MAP3K5: variants seen among roughly 807,000 people sequenced by gnomAD.
MAP3K5 encodes the protein mitogen-activated protein kinase kinase kinase 5.
In MAP3K5, 56 loss-of-function variants were observed where a neutral mutation model predicts 158.7. That is an observed-to-expected ratio of 0.35 (90% CI 0.28 to 0.44). MAP3K5 has a LOEUF of 0.44. Among genes scored for constraint, MAP3K5 ranks in the 20% least tolerant of loss-of-function variants. MAP3K5 has a pLI of 1.00. For synonymous variants in MAP3K5, 579 were observed against 601.7 expected, an observed-to-expected ratio of 0.96 and a Z score of 0.55; for missense variants, 1,294 against 1,674.8, an observed-to-expected ratio of 0.77 and a Z score of 3.97.
At chr6:136,696,551 C>A (rs1022887615) in intron 5 of MAP3K5, among the ~76,000 whole-genome samples, 3 of 152,142 alleles carry the variant, frequency 2.0e-5, no homozygotes, top group African/African-American at 7.2e-5. Flanking sequence ...CTGTCTTGAG[C>A]ACATGAAGCC....
intron 26 of MAP3K5, 83 bp downstream of exon 26, chr6:136,567,548 A>C: frequency 7.3e-7 from 1 of 1,376,214 alleles, no homozygotes; most frequent in Non-Finnish European, 9.9e-7. Flanking sequence ...GGGATAAGGG[A>C]ATCATATTCT....
At position 136,792,136 on chromosome 6, in the gene MAP3K5, C is replaced by T; in HGVS notation, c.22G>A (p.Gly8Ser). 1 of 1,574,156 alleles carries T rather than the reference C, an allele frequency of 6.4e-7. No homozygotes were observed. Among genetic ancestry groups the T allele is most frequent in the Non-Finnish European group, 8.6e-7 (1 of 1,162,620 alleles). MSTEADE[G>S]ITFSVPPFAP... ...AAGGGTGGCACAGAGAAAGTGATGC[C>T]CTCGTCCGCCTCCGTGCTCATCTCT... is the stretch of plus-strand genomic sequence containing the variant. The change falls in exon 1 of 30, where the codon GGC (glycine) becomes AGC (serine). Residue 8 changes from glycine to serine, a missense_variant. Gly to Ser is a moderately conservative substitution (Grantham distance 56). This residue lies in a region of MAP3K5 where 690 missense variants were observed against 870.5 expected (regional missense o/e 0.79). Transcript: ENST00000359015. The surrounding 1 kb of genome is among the most constrained non-coding windows in gnomAD (Gnocchi z 5.7).
intron 1 of MAP3K5, among the ~76,000 whole-genome samples, chr6:136,753,916 T>C (rs1309826278): frequency 6.6e-6 from 1 of 152,086 alleles, no homozygotes; most frequent in Non-Finnish European, 1.5e-5. Flanking sequence ...GCATTTCAGG[T>C]AGATGCGGGA....
intron 1 of MAP3K5, among the ~76,000 whole-genome samples, chr6:136,778,697 A>T (rs1185212694): frequency 6.6e-6 from 1 of 152,214 alleles, no homozygotes; most frequent in Non-Finnish European, 1.5e-5. Flanking sequence ...ATAAGTTATA[A>T]GTGAATAGAT....
At chr6:136,564,034 G>C (rs1830630506) in intron 26 of MAP3K5, among the ~76,000 whole-genome samples, 1 of 152,130 alleles carries the variant, frequency 6.6e-6, no homozygotes, top group African/African-American at 2.4e-5. Context: ...ATGCCTCCAG[G>C]CTTCAGTTTT....
chr6:136,659,323 G>T lies in MAP3K5; in HGVS notation c.1422C>A (p.Ser474Arg). Residue 474 changes from serine to arginine, a missense_variant, in exon 9 of 30, where the codon AGC becomes AGA. This residue lies in a region of MAP3K5 where 690 missense variants were observed against 870.5 expected (regional missense o/e 0.79). Transcript: ENST00000359015. The stretch of plus-strand genomic sequence containing the variant: ...CCAGAAAAAATCCAACTTCCCAGTA[G>T]CTCTGGAGTTTTTCCAAGTTTCCCT... ...GKKGNLEKLQ[S>R]YWEVGFFLGA... is the part of the protein sequence containing the mutation. 1 of 1,614,104 alleles carries T rather than the reference G, an allele frequency of 6.2e-7. No homozygotes were observed. Among genetic ancestry groups the T allele is most frequent in the Non-Finnish European group, 8.5e-7 (1 of 1,179,984 alleles).
intron 12 of MAP3K5, among the ~76,000 whole-genome samples, chr6:136,640,957 A>C (rs1161783998): frequency 6.6e-6 from 1 of 152,224 alleles, no homozygotes; most frequent in Non-Finnish European, 1.5e-5. Flanking sequence ...GCCTATGTAT[A>C]AGTCATAAAT....
At chr6:136,722,171 T>G (rs909181242) in intron 1 of MAP3K5, among the ~76,000 whole-genome samples, 1 of 152,232 alleles carries the variant, frequency 6.6e-6, no homozygotes, top group African/African-American at 2.4e-5. Context: ...GCTGAATAGC[T>G]ATTAGAAGTA....
At chr6:136,677,294 C>T (rs865941000) in intron 7 of MAP3K5, among the ~76,000 whole-genome samples, 39 of 151,770 alleles carry the variant, frequency 2.6e-4, no homozygotes, top group Middle Eastern at 3.4e-3. Context: ...CCCGCCACCA[C>T]GCCCGGCTAA....
At chr6:136,684,314 T>C (rs917733370) in intron 7 of MAP3K5, among the ~76,000 whole-genome samples, 2 of 152,062 alleles carry the variant, frequency 1.3e-5, no homozygotes, top group African/African-American at 2.4e-5. Flanking sequence ...CACAGAAACG[T>C]TGTGTGAACT....
chr6:136,776,039 C>G (rs1428980138), intron 1 of MAP3K5, among the ~76,000 whole-genome samples: 9 of 152,178 alleles, frequency 5.9e-5, no homozygotes, highest in African/African-American at 2.2e-4. Context: ...AGTGGAGAGT[C>G]CTGAGTTCTA....
Position 136,698,682 on chromosome 6 carries a change from T to C in MAP3K5, c.613A>G (p.Met205Val), listed in dbSNP as rs779103210. 1.9e-6 allele frequency: 3 copies of C among 1,606,562 alleles called. No homozygotes were observed. The highest frequency in any genetic ancestry group is 2.6e-6 in the Non-Finnish European group (3 of 1,173,934). Reference protein sequence around the residue: ...LKEIICQKNTMCTGNYTFVPY... With the variant: ...LKEIICQKNTVCTGNYTFVPY... ...ACAAAGGTGTAGTTCCCAGTGCACA[T>C]CTGCGGAGAGAGGAGGCATCGGCAA... Residue 205 changes from methionine to valine, a missense_variant and splice_region_variant, in exon 4 of 30, where the codon ATG (methionine) becomes GTG (valine). This residue lies in a region of MAP3K5 where 690 missense variants were observed against 870.5 expected (regional missense o/e 0.79). Transcript: ENST00000359015.
intron 2 of MAP3K5, among the ~76,000 whole-genome samples, chr6:136,715,869 A>G (rs907667364): frequency 6.6e-5 from 10 of 151,622 alleles, no homozygotes; most frequent in African/African-American, 2.2e-4. Context: ...CGTCTCTACT[A>G]AAATACAAAA....
intron 2 of MAP3K5, among the ~76,000 whole-genome samples, chr6:136,714,809 C>T (rs544150445): frequency 6.6e-6 from 1 of 152,048 alleles, no homozygotes; most frequent in East Asian, 1.9e-4. Flanking sequence ...TTTTTAAGGG[C>T]TAATTTAGTG....
At chr6:136,711,393 G>A (rs1346173124) in intron 2 of MAP3K5, among the ~76,000 whole-genome samples, 1 of 152,076 alleles carries the variant, frequency 6.6e-6, no homozygotes, top group Non-Finnish European at 1.5e-5. Flanking sequence ...GGCCAGGAGC[G>A]TTGGCTCATG....
intron 27 of MAP3K5, 115 bp from the exon 28 acceptor site, chr6:136,561,760 C>T: frequency 9.7e-6 from 6 of 619,766 alleles, no homozygotes; most frequent in Admixed American, 2.6e-5. Context: ...TATCAGAGAA[C>T]AGTTCATAGA....
rs576621282 is a variant in MAP3K5 at position 136,560,131 on chromosome 6, G to C, written c.3988-1255C>G. Reference sequence around the variant, plus strand: ...CTATCAAATATTACAATGTTTTAATGTATGCCTGTGTGTTCATATAATGAA... The same window carrying C: ...CTATCAAATATTACAATGTTTTAATCTATGCCTGTGTGTTCATATAATGAA... On this transcript the variant is annotated intron_variant, in intron 28 of 29. Transcript: ENST00000359015. 3.9e-5 allele frequency among the ~76,000 whole-genome samples: 6 copies of C among 152,252 alleles called. No homozygotes were observed. In the South Asian group the frequency reaches 1.2e-3, roughly 32 times the overall value.
intron 1 of MAP3K5, among the ~76,000 whole-genome samples, chr6:136,737,071 T>TGTA (rs1554308055): frequency 8.5e-6 from 1 of 118,276 alleles, no homozygotes; most frequent in African/African-American, 4.3e-5. Context: ...TTAGATGTGA[T>TGTA]TATATAAATG....
chr6:136,645,957 T>C (rs1778234789), intron 11 of MAP3K5, among the ~76,000 whole-genome samples: 1 of 152,210 alleles, frequency 6.6e-6, no homozygotes, highest in Non-Finnish European at 1.5e-5. Flanking sequence ...ACATAAGACC[T>C]ATTAAACTGG....
Sources: allele counts gnomAD v4.1 joint callset (sites outside exome capture counted in the v4.1 genomes callset), GRCh38; gene constraint gnomAD v4.1.1; regional missense constraint gnomAD v4.1.1; non-coding constraint Gnocchi (gnomAD v3.1); transcripts MANE v1.5; gene names NCBI Gene and HGNC (gene_info 2026-07-23, HGNC 2026-07-21).